THSD7B: variants seen among roughly 807,000 people sequenced by gnomAD.
THSD7B encodes thrombospondin type 1 domain containing 7B, also known as thrombospondin type-1 domain-containing protein 7B.
THSD7B carries 138 observed loss-of-function variants against 213.6 expected under a neutral mutation model. The ratio of observed to expected loss-of-function variants is 0.65; its 90% CI spans 0.56 to 0.74. THSD7B has a LOEUF of 0.74. Ranked by LOEUF, THSD7B falls within the 30% of genes least tolerant of loss-of-function variation. The pLI is 0.00. For missense variants in THSD7B, 1,931 were observed against 1,991.5 expected, an observed-to-expected ratio of 0.97 and a Z score of 0.58; for synonymous variants, 742 against 687.0, an observed-to-expected ratio of 1.08 and a Z score of -1.25.
chr2:137,371,244 G>T (rs1171313344), intron 12 of THSD7B, among the ~76,000 whole-genome samples: 1 of 152,122 alleles, frequency 6.6e-6, no homozygotes, highest in African/African-American at 2.4e-5. Context: ...TTAGAGAAGT[G>T]CATCTTGCTC....
chr2:136,937,936 C>T (rs1378888411), intron 2 of THSD7B, among the ~76,000 whole-genome samples: 1 of 152,134 alleles, frequency 6.6e-6, no homozygotes, highest in East Asian at 1.9e-4. Flanking sequence ...TAGGTTCATA[C>T]CACATGAGTA....
At chr2:137,036,941 C>G (rs952950617) in intron 2 of THSD7B, among the ~76,000 whole-genome samples, 1 of 152,136 alleles carries the variant, frequency 6.6e-6, no homozygotes, top group Admixed American at 6.5e-5. Flanking sequence ...CACATCACCC[C>G]CCTTCTCTCT....
chr2:136,943,594 C>T (rs1684873093), intron 2 of THSD7B, among the ~76,000 whole-genome samples: 1 of 152,120 alleles, frequency 6.6e-6, no homozygotes, highest in African/African-American at 2.4e-5. Context: ...TCCACTTCTT[C>T]CTGGTTTAGT....
At chr2:137,422,248 T>C (rs563510965) in intron 14 of THSD7B, among the ~76,000 whole-genome samples, 8 of 152,338 alleles carry the variant, frequency 5.3e-5, no homozygotes, top group East Asian at 3.9e-4. Context: ...AGAAAGCAAA[T>C]ATGGGATTTG....
At chr2:137,018,257 A>C (rs1455365010) in intron 2 of THSD7B, among the ~76,000 whole-genome samples, 1 of 152,128 alleles carries the variant, frequency 6.6e-6, no homozygotes, top group African/African-American at 2.4e-5. Context: ...TCATTTAAAA[A>C]ATTGCAAAAT....
At chr2:137,064,078 A>C (rs1373988338) in intron 3 of THSD7B, among the ~76,000 whole-genome samples, 3 of 151,944 alleles carry the variant, frequency 2.0e-5, no homozygotes, top group African/African-American at 7.3e-5. Context: ...TTTTTCGAGG[A>C]GCCTCTAAAC....
intron 21 of THSD7B, among the ~76,000 whole-genome samples, chr2:137,655,215 G>A (rs1020216034): frequency 6.6e-6 from 1 of 152,140 alleles, no homozygotes; most frequent in African/African-American, 2.4e-5. Flanking sequence ...GACAAATTAT[G>A]TATTGTTTTC....
chr2:137,088,606 A>G (rs1331313890), intron 3 of THSD7B, among the ~76,000 whole-genome samples: 1 of 67,248 alleles, frequency 1.5e-5, no homozygotes, highest in Non-Finnish European at 4.4e-5. Flanking sequence ...AAGCAAATGC[A>G]ATAAAAAAAA....
chr2:137,648,767 G>C (rs1254598219), intron 21 of THSD7B, among the ~76,000 whole-genome samples: 2 of 152,016 alleles, frequency 1.3e-5, no homozygotes, highest in Non-Finnish European at 2.9e-5. Flanking sequence ...GTGTATGTGT[G>C]TTTATGTGTG....
At chr2:137,245,186 G>A (rs1573909019) in intron 10 of THSD7B, among the ~76,000 whole-genome samples, 1 of 152,216 alleles carries the variant, frequency 6.6e-6, no homozygotes, top group East Asian at 1.9e-4. Flanking sequence ...CAGTTTAAGA[G>A]ACTGTAGATT....
intron 7 of THSD7B, among the ~76,000 whole-genome samples, chr2:137,196,136 G>C (rs190562263): frequency 6.6e-6 from 1 of 152,260 alleles, no homozygotes; most frequent in Admixed American, 6.5e-5. Flanking sequence ...CACAGAACAA[G>C]AAATAGTGTT....
At chr2:137,564,525 T>G (rs749983733) in intron 16 of THSD7B, among the ~76,000 whole-genome samples, 5 of 152,184 alleles carry the variant, frequency 3.3e-5, no homozygotes, top group African/African-American at 4.8e-5. Context: ...CTTTTTCTTT[T>G]TAAAATTTCT....
intron 2 of THSD7B, among the ~76,000 whole-genome samples, chr2:136,890,077 A>G (rs935558503): frequency 6.6e-6 from 1 of 152,110 alleles, no homozygotes; most frequent in African/African-American, 2.4e-5. Flanking sequence ...ATTGTATTAT[A>G]GTCCCCAGTG....
At chr2:136,974,756 G>A (rs894313230) in intron 2 of THSD7B, among the ~76,000 whole-genome samples, 2 of 152,060 alleles carry the variant, frequency 1.3e-5, no homozygotes, top group African/African-American at 4.8e-5. Context: ...CTGGTTCTAG[G>A]TCTTTGAGGA....
intron 4 of THSD7B, among the ~76,000 whole-genome samples, chr2:137,101,464 T>G (rs1385602511): frequency 1.3e-5 from 2 of 152,230 alleles, no homozygotes; most frequent in African/African-American, 2.4e-5. Flanking sequence ...GAAGCTTTTC[T>G]GCAGCTATTT....
intron 2 of THSD7B, among the ~76,000 whole-genome samples, chr2:136,986,226 T>A (rs1364648616): frequency 1.3e-5 from 2 of 152,216 alleles, no homozygotes; most frequent in Non-Finnish European, 2.9e-5. Flanking sequence ...GATTGTATTT[T>A]GAAATGTGAG....
At chr2:136,823,371 C>T (rs965542693) in intron 1 of THSD7B, among the ~76,000 whole-genome samples, 4 of 152,142 alleles carry the variant, frequency 2.6e-5, no homozygotes, top group South Asian at 2.1e-4. Flanking sequence ...TTGTGACAGA[C>T]GGTGCTTGCT....
chr2:137,671,637 C>G (rs2104831107), intron 27 of THSD7B, among the ~76,000 whole-genome samples: 1 of 152,288 alleles, frequency 6.6e-6, no homozygotes, highest in East Asian at 1.9e-4. Flanking sequence ...AACTCACTCG[C>G]TATCATGAGA....
chr2:136,943,809 T>A (rs1326447664), intron 2 of THSD7B, among the ~76,000 whole-genome samples: 2 of 152,224 alleles, frequency 1.3e-5, no homozygotes, highest in African/African-American at 4.8e-5. Context: ...TCTGTCAATT[T>A]CATTGATCTT....
Sources: allele counts gnomAD v4.1 joint callset (sites outside exome capture counted in the v4.1 genomes callset), GRCh38; gene constraint gnomAD v4.1.1; transcripts MANE v1.5; gene names NCBI Gene and HGNC (gene_info 2026-07-23, HGNC 2026-07-21).